The following ABCA9 variants were observed in gnomAD, a reference collection of about 807,000 sequenced individuals.
ABCA9 encodes the protein ATP binding cassette subfamily A member 9, also known as ATP-binding cassette sub-family A member 9.
ABCA9 carries 183 observed loss-of-function variants against 205.3 expected under a neutral mutation model. The observed-to-expected ratio is 0.89, with a 90% CI of 0.79 to 1.01. The LOEUF (loss-of-function observed/expected upper bound fraction) is 1.01. Among genes scored for constraint, ABCA9 ranks in the 50% least tolerant of loss-of-function variants. The probability of loss-of-function intolerance (pLI) is 0.00; values close to 1 mark genes in which losing one functional copy is unlikely to be tolerated. For missense variants in ABCA9, 1,805 were observed against 1,912.4 expected, an observed-to-expected ratio of 0.94 and a Z score of 1.05; for synonymous variants, 651 against 683.3, an observed-to-expected ratio of 0.95 and a Z score of 0.74.
chr17:69,064,558 T>C (rs1598427595), upstream of ABCA9, among the ~76,000 whole-genome samples: 1 of 152,206 alleles, frequency 6.6e-6, no homozygotes, highest in African/African-American at 2.4e-5. Flanking sequence ...ATCTGTGAGA[T>C]CCAGAGGACA....
At chr17:69,043,766 C>T (rs769227917) in intron 5 of ABCA9, 51 bp from the exon 6 acceptor site, 3 of 1,428,216 alleles carry the variant, frequency 2.1e-6, no homozygotes, top group Non-Finnish European at 2.9e-6. Context: ...TAATTCCAAC[C>T]TTAGGCTTTT....
At chr17:69,043,787 A>G in intron 5 of ABCA9, 72 bp from the exon 6 acceptor site, 1 of 1,240,726 alleles carries the variant, frequency 8.1e-7, no homozygotes, top group Non-Finnish European at 1.1e-6. Context: ...TCTCTAAATT[A>G]TAAGGAATCA....
intron 29 of ABCA9, among the ~76,000 whole-genome samples, chr17:68,990,346 TAAATC>T (rs2069407457): frequency 6.6e-6 from 1 of 152,132 alleles, no homozygotes; most frequent in Non-Finnish European, 1.5e-5. Flanking sequence ...CCCTGAAAAA[TAAATC>T]AATACAAGTC....
chr17:69,013,832 C>T (rs2070476342), intron 22 of ABCA9, among the ~76,000 whole-genome samples: 1 of 151,992 alleles, frequency 6.6e-6, no homozygotes, highest in South Asian at 2.1e-4. Flanking sequence ...GAGCCTGGTA[C>T]TTTACTTTAG....
rs761507869 is a variant in ABCA9, at chr17:68,990,817, A to G, written c.3837+20T>C. 1.3e-6 allele frequency: 2 copies of G among 1,595,786 alleles called. No individual in the cohort carries two copies. Among genetic ancestry groups the G allele is most frequent in the Admixed American group, 1.9e-5 (1 of 53,208 alleles). ...TGTCAGAAAAAAAAATAGTTGACGAAGAACATTTCTGAGTTCTACCTCATC... is the reference window on the plus strand; with the variant it reads ...TGTCAGAAAAAAAAATAGTTGACGAGGAACATTTCTGAGTTCTACCTCATC... On this transcript the variant is annotated intron_variant, in intron 29 of 38. Transcript: ENST00000340001.
intron 23 of ABCA9, among the ~76,000 whole-genome samples, chr17:69,010,856 A>G (rs769305091): frequency 1.3e-5 from 2 of 152,222 alleles, no homozygotes; most frequent in Non-Finnish European, 2.9e-5. Context: ...TGTAGACAAT[A>G]GTGCCATTTG....
chr17:69,069,594 G>A, the ABCA9 span, among the ~76,000 whole-genome samples: 1 of 151,810 alleles, frequency 6.6e-6, no homozygotes, highest in African/African-American at 2.4e-5. Context: ...GCAGTACACA[G>A]TGGTCAGCTT....
intron 1 of ABCA9, among the ~76,000 whole-genome samples, chr17:69,058,299 G>A (rs1351578999): frequency 6.6e-6 from 1 of 152,110 alleles, no homozygotes; most frequent in Non-Finnish European, 1.5e-5. Context: ...TTTTATTAAT[G>A]AGGGTGCTCC....
intron 6 of ABCA9, among the ~76,000 whole-genome samples, chr17:69,041,421 T>C (rs2071532115): frequency 6.6e-6 from 1 of 152,142 alleles, no homozygotes. Flanking sequence ...TTTTAAAAAA[T>C]AGGCTGGGGT....
intron 6 of ABCA9, among the ~76,000 whole-genome samples, chr17:69,037,597 C>A (rs2071387510): frequency 6.6e-6 from 1 of 152,092 alleles, no homozygotes; most frequent in Non-Finnish European, 1.5e-5. Context: ...GCACTAAATG[C>A]CCACAGGAGA....
intron 37 of ABCA9, among the ~76,000 whole-genome samples, chr17:68,977,652 G>A (rs1305720905): frequency 2.0e-5 from 3 of 152,190 alleles, no homozygotes; most frequent in African/African-American, 7.2e-5. Context: ...ATGAAACTAT[G>A]CAACAAGGTA....
rs61732707 is a variant in ABCA9 at position 68,985,093 on chromosome 17, T to C, written c.4244A>G (p.Lys1415Arg). The change falls in exon 33 of 39, where the codon AAG becomes AGG. Residue 1415 changes from lysine (K) to arginine (R), a missense_variant. Physicochemically the swap from Lys to Arg is conservative, Grantham distance 26. Coordinates refer to ENST00000340001, the MANE Select transcript of ABCA9 (RefSeq NM_080283.4). ...VDALKLQDQL[K>R]APVKTLSEGI... The stretch of plus-strand genomic sequence containing the variant: ...CTCTGACAAGGTCTTCACGGGAGCC[T>C]TCAGCTGGTCCTGCAGCTTGAGCGC... The C allele has an allele frequency of 7.4e-5, 120 of 1,614,202 alleles. No individual in the cohort carries two copies. The African/African-American group carries it at 1.5e-3, about 20-fold the overall frequency.
At chr17:69,048,196 T>C (rs551669695) in intron 3 of ABCA9, among the ~76,000 whole-genome samples, 13 of 152,228 alleles carry the variant, frequency 8.5e-5, no homozygotes, top group African/African-American at 3.1e-4. Context: ...CCTCCACATG[T>C]GGGGATTACA....
At chr17:69,077,873 C>T in the ABCA9 span, among the ~76,000 whole-genome samples, 1 of 151,340 alleles carries the variant, frequency 6.6e-6, no homozygotes, top group Non-Finnish European at 1.5e-5. Flanking sequence ...ATATGTTAAA[C>T]TGACAGGTAT....
rs370117036 is a variant in ABCA9, at chr17:68,976,158, G to A, written c.4753C>T (p.Leu1585Phe). The A allele has an allele frequency of 1.1e-5, 18 of 1,613,930 alleles. No homozygotes were observed. The African/African-American group carries it at 1.7e-4, about 16-fold the overall frequency. Residue 1585 changes from leucine to phenylalanine, a missense_variant, in exon 38 of 39, where the codon CTC becomes TTC. By Grantham distance (22) the Leu-to-Phe change is conservative. Coordinates refer to ENST00000340001, the MANE Select transcript of ABCA9 (RefSeq NM_080283.4). ...KQSFDLEEYSLSQSTLEQVFL... is the reference protein window; with the variant it reads ...KQSFDLEEYSFSQSTLEQVFL... ...ACCTGCTCCAGGGTAGACTGTGAGA[G>A]GCTGTACTCCTCCAGGTCGAAACTC...
At chr17:68,979,578 A>C (rs1244153461) in intron 37 of ABCA9, among the ~76,000 whole-genome samples, 1 of 152,156 alleles carries the variant, frequency 6.6e-6, no homozygotes, top group African/African-American at 2.4e-5. Flanking sequence ...ACTGGTACCA[A>C]AACAGAGATA....
intron 6 of ABCA9, among the ~76,000 whole-genome samples, chr17:69,041,998 CT>C (rs912839263): frequency 3.9e-5 from 6 of 152,116 alleles, no homozygotes; most frequent in Non-Finnish European, 8.8e-5. Context: ...TTCTACATAT[CT>C]TATTTAACAG....
chr17:68,992,362 C>A, intron 27 of ABCA9, 96 bp from the exon 28 acceptor site: 1 of 784,590 alleles, frequency 1.3e-6, no homozygotes, highest in Non-Finnish European at 1.9e-6. Flanking sequence ...TATAAAAATT[C>A]GATTTGATAG....
chr17:69,018,580 C>T lies in ABCA9; in HGVS notation c.2601-1G>A. ...AAAGCTAATACCAAAAAGCAATAAT[C>T]TATGCAGAGGAAAATGTAAAAGAAA... On this transcript the variant is annotated splice_acceptor_variant, in intron 19 of 38. Transcript: ENST00000340001. LOFTEE classifies it high-confidence loss of function. 6.4e-7 allele frequency: 1 copy of T among 1,574,486 alleles called. No individual in the cohort carries two copies. Among genetic ancestry groups the T allele is most frequent in the Non-Finnish European group, 8.6e-7 (1 of 1,166,000 alleles).
Sources: gnomAD v4.1 joint callset for allele counts (sites outside exome capture counted in the v4.1 genomes callset) on GRCh38, gnomAD v4.1.1 for gene constraint, MANE v1.5 for transcripts, NCBI Gene and HGNC (gene_info 2026-07-23, HGNC 2026-07-21) for gene names.